The following PCM1 variants were observed in gnomAD, a reference collection of about 807,000 sequenced individuals.
PCM1 encodes pericentriolar material 1 protein.
Under a neutral mutation model 241.9 loss-of-function variants are expected in PCM1, and 157 were observed. That is an observed-to-expected ratio of 0.65 (90% CI 0.57 to 0.74). The LOEUF (loss-of-function observed/expected upper bound fraction) is 0.74, where lower values mean the gene tolerates loss of function less well. Ranked by LOEUF, PCM1 falls within the 30% of genes least tolerant of loss-of-function variation. The pLI is 0.00. For synonymous variants in PCM1, 1,085 were observed against 784.9 expected (o/e 1.38, Z -6.39); for missense variants, 3,478 against 2,360.1 (o/e 1.47, Z -9.81).
chr8:18,015,605 T>G (rs192060282), intron 36 of PCM1: 22 of 152,302 alleles, frequency 1.4e-4, no homozygotes, highest in Non-Finnish European at 3.1e-4. Flanking sequence ...CCTCTGATAT[T>G]TTGTCAGTGG....
chr8:17,988,553 TA>T (rs1262140206), intron 26 of PCM1, among the ~76,000 whole-genome samples: 2 of 151,778 alleles, frequency 1.3e-5, no homozygotes, highest in Admixed American at 6.6e-5. Context: ...AAATTAGACT[TA>T]ACAAAAATAG....
intron 22 of PCM1, 23 bp from the exon 23 acceptor site, chr8:17,972,306 A>T: frequency 7.3e-7 from 1 of 1,378,618 alleles, no homozygotes; most frequent in Non-Finnish European, 9.7e-7. Context: ...GTTAACTTAT[A>T]AAAACTTGTT....
At chr8:17,958,846 C>T (rs772127897) in intron 13 of PCM1, among the ~76,000 whole-genome samples, 1 of 152,064 alleles carries the variant, frequency 6.6e-6, no homozygotes, top group East Asian at 1.9e-4. Flanking sequence ...CTCAGCCTCC[C>T]GAGTAGCTGG....
At chr8:17,970,525 G>A (rs2076484956) in intron 22 of PCM1, among the ~76,000 whole-genome samples, 1 of 149,788 alleles carries the variant, frequency 6.7e-6, no homozygotes, top group African/African-American at 2.5e-5. Flanking sequence ...CCGTTACTTT[G>A]TTGACTCCTT....
Position 17,993,450 on chromosome 8 carries a change from G to C in PCM1, c.4691-33G>C. ...CATATATGTATATATAATAGGCTTT[G>C]TTAGGCTAATGTATTTTCTTTTTAA... is the stretch of plus-strand genomic sequence containing the variant. On this transcript the variant is annotated intron_variant, in intron 28 of 38. Coordinates refer to ENST00000325083, the MANE Select transcript of PCM1 (RefSeq NM_006197.4). 2.7e-6 allele frequency: 4 copies of C among 1,482,688 alleles called. No homozygotes were observed. In the South Asian group the frequency reaches 5.3e-5, roughly 20 times the overall value. 91.8% of individuals were successfully genotyped at this position (1,482,688 alleles called of 1,614,324 possible).
chr8:18,026,057 G>T (rs1253287730), intron 38 of PCM1, among the ~76,000 whole-genome samples: 2 of 148,900 alleles, frequency 1.3e-5, no homozygotes, highest in Non-Finnish European at 3.0e-5. Context: ...CCAGCTACTC[G>T]GGAGGCTGAG....
chr8:17,964,666 A>T lies in PCM1; in HGVS notation c.2753A>T (p.Glu918Val). ...LSEGIVRTDE[E>V]EEEEQDASSN... is the part of the protein sequence containing the mutation. ...GAAGGAATTGTTCGGACAGATGAAG[A>T]GGAGGAAGAAGAGCAAGATGCCAGT... Residue 918 changes from glutamate to valine, a missense_variant, in exon 18 of 39, where the codon GAG becomes GTG. Physicochemically the swap from Glu to Val is moderately radical, Grantham distance 121. Coordinates refer to ENST00000325083, the MANE Select transcript of PCM1 (RefSeq NM_006197.4). 1.2e-6 allele frequency: 2 copies of T among 1,613,902 alleles called. No homozygotes were observed. Among genetic ancestry groups the T allele is most frequent in the East Asian group, 4.5e-5 (2 of 44,878 alleles).
intron 5 of PCM1, among the ~76,000 whole-genome samples, chr8:17,939,413 G>C (rs774501310): frequency 6.6e-5 from 10 of 151,924 alleles, no homozygotes; most frequent in South Asian, 2.1e-4. Context: ...ATTGTATGCA[G>C]TTGTAGAAGT....
intron 29 of PCM1, chr8:18,005,999 A>T: frequency 3.1e-6 from 1 of 327,520 alleles, no homozygotes; most frequent in Admixed American, 4.6e-5. Flanking sequence ...ACAGAAAGAA[A>T]GTGCTGAAAA....
chr8:18,022,980 T>A lies in PCM1; in HGVS notation c.5842-2381T>A, dbSNP rs116672416. Among the ~76,000 whole-genome samples, 1,158 of 152,236 alleles carry A rather than the reference T, an allele frequency of 7.6e-3. 9 individuals are homozygous for A. Among genetic ancestry groups the A allele is most frequent in the African/African-American group, 0.027 (1,110 of 41,496 alleles). On this transcript the variant is annotated intron_variant, in intron 36 of 38. Coordinates refer to ENST00000325083, the MANE Select transcript of PCM1 (RefSeq NM_006197.4). ...GGCGATGGTACCCATGTGTAATACA[T>A]AGAAGTGTTTTTTTATTCCTCTTTC...
intron 6 of PCM1, among the ~76,000 whole-genome samples, chr8:17,941,940 A>G (rs2062199839): frequency 6.6e-6 from 1 of 152,084 alleles, no homozygotes; most frequent in Non-Finnish European, 1.5e-5. Flanking sequence ...ACTCTTACAT[A>G]TTAATTGTTA....
In PCM1 at chr8:18,006,276, A is replaced by G; in HGVS notation, c.4841A>G (p.Glu1614Gly). 6.2e-7 allele frequency: 1 copy of G among 1,608,252 alleles called. No homozygotes were observed. The highest frequency in any genetic ancestry group is 1.1e-5 in the South Asian group (1 of 90,350). The change falls in exon 30 of 39, where the codon GAA (glutamate) becomes GGA (glycine). Residue 1614 changes from glutamate to glycine, a missense_variant. Coordinates refer to ENST00000325083, the MANE Select transcript of PCM1 (RefSeq NM_006197.4). ...VIPFLKEHMD[E>G]VCSSQLLTSV... Reference sequence around the variant, plus strand: ...GATTTTTCTCAGGAGCACATGGATGAAGTATGCTCCTCGCAGCTTCTAACT... The same window carrying G: ...GATTTTTCTCAGGAGCACATGGATGGAGTATGCTCCTCGCAGCTTCTAACT...
At chr8:18,018,809 C>CAA (rs1256522998) in intron 36 of PCM1, among the ~76,000 whole-genome samples, 2 of 86,472 alleles carry the variant, frequency 2.3e-5, no homozygotes, top group African/African-American at 4.6e-5. Flanking sequence ...GATTCCGTCT[C>CAA]AAAAAAAAAA....
intron 16 of PCM1, among the ~76,000 whole-genome samples, chr8:17,962,498 T>C (rs2072848974): frequency 6.6e-6 from 1 of 152,180 alleles, no homozygotes; most frequent in South Asian, 2.1e-4. Flanking sequence ...CAGCAAATAG[T>C]AATCATTTCA....
intron 6 of PCM1, among the ~76,000 whole-genome samples, chr8:17,946,378 A>G (rs890064156): frequency 5.3e-5 from 8 of 152,202 alleles, no homozygotes. Context: ...TTTTTACATA[A>G]GATTATCAAA....
At chr8:17,942,978 C>CA (rs1179468827) in intron 6 of PCM1, among the ~76,000 whole-genome samples, 1 of 134,592 alleles carries the variant, frequency 7.4e-6, no homozygotes, top group Non-Finnish European at 1.6e-5. Context: ...GCTTGGGTGA[C>CA]AGAACGAGAC....
chr8:17,963,022 C>A, intron 16 of PCM1, 79 bp from the exon 17 acceptor site: 1 of 953,772 alleles, frequency 1.0e-6, no homozygotes, highest in Non-Finnish European at 1.6e-6. Context: ...TTGATACTGA[C>A]AATACTAGTA....
intron 30 of PCM1, 124 bp downstream of exon 30, chr8:18,006,521 C>T (rs2091368123): frequency 1.6e-6 from 1 of 633,704 alleles, no homozygotes; most frequent in Admixed American, 2.7e-5. Flanking sequence ...ATCTAGCGTC[C>T]ATTTGGGATG....
intron 16 of PCM1, 161 bp downstream of exon 16, chr8:17,962,335 A>G (rs544873007): frequency 2.8e-6 from 1 of 359,126 alleles, no homozygotes; most frequent in East Asian, 4.2e-5. Context: ...AAAATGTAAT[A>G]GATTATAATA....
Sources: gnomAD v4.1 joint callset for allele counts (sites outside exome capture counted in the v4.1 genomes callset) on GRCh38, gnomAD v4.1.1 for gene constraint, MANE v1.5 for transcripts, NCBI Gene and HGNC (gene_info 2026-07-23, HGNC 2026-07-21) for gene names.